The following TRIOBP variants were observed in gnomAD, a reference collection of about 807,000 sequenced individuals.
TRIOBP encodes the protein TRIO and F-actin-binding protein.
A neutral mutation model predicts 238.8 loss-of-function variants in TRIOBP; 169 were observed. That is an observed-to-expected ratio of 0.71 (90% CI 0.62 to 0.80). TRIOBP has a LOEUF of 0.80. Among genes scored for constraint, TRIOBP ranks in the 30% least tolerant of loss-of-function variants. The pLI, the probability that TRIOBP is intolerant of heterozygous loss-of-function variation, is 0.00. For missense variants in TRIOBP, 2,838 were observed against 3,122.6 expected (o/e 0.91, Z 2.17); for synonymous variants, 1,150 against 1,274.4 (o/e 0.90, Z 2.08).
rs748950216 is a variant in TRIOBP at position 37,725,991 on chromosome 22, G to A, written c.3435G>A (p.Glu1145=). ...LFQDLPRAST[E]SLVPSMDSLH... The stretch of plus-strand genomic sequence containing the variant: ...AGGACCTCCCCAGGGCCAGCACAGA[G>A]AGCCTTGTCCCTTCCATGGACTCTC... Residue 1145 remains glutamate, a synonymous_variant, in exon 7 of 24, where the codon GAG becomes GAA. Coordinates refer to ENST00000644935, the MANE Select transcript of TRIOBP (RefSeq NM_001039141.3). 3.7e-6 allele frequency: 6 copies of A among 1,608,522 alleles called. No individual in the cohort carries two copies. Among genetic ancestry groups the A allele is most frequent in the Non-Finnish European group, 5.1e-6 (6 of 1,178,592 alleles).
In TRIOBP at chr22:37,735,291, T is replaced by C; in HGVS notation, c.4955T>C (p.Val1652Ala). 6.2e-7 allele frequency: 1 copy of C among 1,610,750 alleles called. No homozygotes were observed. Among genetic ancestry groups the C allele is most frequent in the Non-Finnish European group, 8.5e-7 (1 of 1,177,726 alleles). Residue 1652 changes from valine (V) to alanine (A), a missense_variant, in exon 9 of 24, where the codon GTC becomes GCC. By Grantham distance (64) the Val-to-Ala change is moderately conservative. Transcript: ENST00000644935. ...HSPALQSQSP[V>A]QLPSPACTST... ...CCCGCACTGCAGTCCCAGAGCCCGG[T>C]CCAGCTGCCCAGCCCTGCCTGCACC...
At chr22:37,750,965 C>T (rs1601652950) in intron 11 of TRIOBP, 2 of 367,832 alleles carry the variant, frequency 5.4e-6, no homozygotes, top group East Asian at 7.4e-5. Flanking sequence ...TCCCTGCCGG[C>T]GCCAGGAGCG....
In TRIOBP at chr22:37,776,248, C is replaced by T. The variant is rs975363324; in HGVS notation, c.*2468C>T. 1 of 152,274 alleles carries T rather than the reference C, an allele frequency of 6.6e-6. No homozygotes were observed. Among genetic ancestry groups the T allele is most frequent in the African/African-American group, 2.4e-5 (1 of 41,458 alleles). The allele number at this position is 152,274 out of a possible 1,614,324, so 9.4% of individuals were successfully genotyped here. On this transcript the variant is annotated 3_prime_UTR_variant, in exon 24 of 24. Coordinates refer to ENST00000644935, the MANE Select transcript of TRIOBP (RefSeq NM_001039141.3). ...TAAAAACCGTGAAATCGCACTGCCC[C>T]ACTATCAGAATAGCTCAGAGGAGAA...
intron 11 of TRIOBP, among the ~76,000 whole-genome samples, chr22:37,745,909 G>A (rs536345323): frequency 6.6e-6 from 1 of 151,888 alleles, no homozygotes; most frequent in Non-Finnish European, 1.5e-5. Context: ...CCGGCCGCCC[G>A]CATCCTCCGC....
chr22:37,711,590 AAAC>A lies in TRIOBP; in HGVS notation c.254+1030_254+1032del, dbSNP rs869113481. Among the ~76,000 whole-genome samples the A allele has an allele frequency of 6.1e-4, 29 of 47,392 alleles. 1 individual carries two copies. The highest frequency in any genetic ancestry group is 1.0e-3 in the Non-Finnish European group (14 of 13,886). The allele number at this position is 47,392 out of a possible 152,430, so 31.1% of individuals were successfully genotyped here. On this transcript the variant is annotated intron_variant, in intron 4 of 23. Coordinates refer to ENST00000644935, the MANE Select transcript of TRIOBP (RefSeq NM_001039141.3). ...CGAGGCTCCGTCTCAAAAAAAAAAA[AAAC>A]AACAAAAAAAAAAAACAAAAAAAAA...
intron 10 of TRIOBP, among the ~76,000 whole-genome samples, chr22:37,739,360 T>G (rs950531856): frequency 6.6e-6 from 1 of 152,146 alleles, no homozygotes; most frequent in Non-Finnish European, 1.5e-5. Context: ...TTTGGGGCTG[T>G]GTTTTCCGGT....
intron 7 of TRIOBP, among the ~76,000 whole-genome samples, chr22:37,728,121 G>A (rs958416276): frequency 3.9e-5 from 6 of 152,080 alleles, no homozygotes; most frequent in South Asian, 4.1e-4. Context: ...GTTTTCTCCT[G>A]GATTTGAATC....
At chr22:37,708,512 T>C (rs1445668744) in intron 3 of TRIOBP, among the ~76,000 whole-genome samples, 5 of 152,184 alleles carry the variant, frequency 3.3e-5, no homozygotes, top group South Asian at 2.1e-4. Context: ...GACTGCACCA[T>C]TGCACTCTAA....
At chr22:37,732,653 G>A (rs1421842006) in intron 7 of TRIOBP, among the ~76,000 whole-genome samples, 4 of 152,138 alleles carry the variant, frequency 2.6e-5, no homozygotes, top group African/African-American at 9.7e-5. Context: ...TCAAGGCTAA[G>A]CGCTGGGATT....
chr22:37,769,422 CG>C, intron 21 of TRIOBP, 47 bp downstream of exon 21: 1 of 1,513,676 alleles, frequency 6.6e-7, no homozygotes, highest in East Asian at 2.4e-5. Flanking sequence ...TCTCGGGGCC[CG>C]GGGCTATGGG....
rs1294568702 is a variant in TRIOBP at position 37,769,246 on chromosome 22, A to G, written c.6736-16A>G. 3.7e-6 allele frequency: 6 copies of G among 1,607,454 alleles called. No homozygotes were observed. Among genetic ancestry groups the G allele is most frequent in the Non-Finnish European group, 5.1e-6 (6 of 1,177,516 alleles). On this transcript the variant is annotated splice_polypyrimidine_tract_variant and intron_variant, in intron 20 of 23. Coordinates refer to ENST00000644935, the MANE Select transcript of TRIOBP (RefSeq NM_001039141.3). ...GGGTCCCGGCACCCCTCCCCTGACC[A>G]CCGTGCCTCTCCCAGGAGCTGCATG...
Position 37,725,025 on chromosome 22 carries a change from C to T in TRIOBP, c.2469C>T (p.Ile823=). ...DNPRTCIQQN[I]PRSSSTQQDN... Reference sequence around the variant, plus strand: ...CCAGAACTTGTATTCAACAGAACATCCCCAGATCATCTTCTACCCAACAAG... The same window carrying T: ...CCAGAACTTGTATTCAACAGAACATTCCCAGATCATCTTCTACCCAACAAG... Residue 823 remains isoleucine, a synonymous_variant, in exon 7 of 24, where the codon ATC becomes ATT. Coordinates refer to ENST00000644935, the MANE Select transcript of TRIOBP (RefSeq NM_001039141.3). The T allele has an allele frequency of 6.2e-7, 1 of 1,614,090 alleles. No individual in the cohort carries two copies. Among genetic ancestry groups the T allele is most frequent in the Non-Finnish European group, 8.5e-7 (1 of 1,179,938 alleles).
Position 37,765,830 on chromosome 22 carries a change from G to GC in TRIOBP, c.6472+13_6472+14insC, listed in dbSNP as rs541980281. On this transcript the variant is annotated intron_variant, in intron 18 of 23. Coordinates refer to ENST00000644935, the MANE Select transcript of TRIOBP (RefSeq NM_001039141.3). ...GCCACGGCCTCAGGTATGGACCCTGGGGGGGGCACAGTGGGCTGGGCTCTG... is the reference window on the plus strand; with the variant it reads ...GCCACGGCCTCAGGTATGGACCCTGGCGGGGGGCACAGTGGGCTGGGCTCTG... 242 of 1,587,012 alleles carry GC rather than the reference G, an allele frequency of 1.5e-4. No homozygotes were observed. The highest frequency in any genetic ancestry group is 1.2e-3 in the East Asian group (54 of 44,032).
Position 37,771,703 on chromosome 22 carries a change from G to C in TRIOBP, c.6903G>C (p.Gln2301His). ...NELQYLKKEV[Q>H]CLRDELQMMQ... ...TCCAGTACCTAAAGAAGGAGGTGCA[G>C]TGCCTCCGGGACGAGCTCCAGATGA... The change falls in exon 22 of 24, where the codon CAG becomes CAC. Residue 2301 changes from glutamine to histidine, a missense_variant. Physicochemically the swap from Gln to His is conservative, Grantham distance 24. Transcript: ENST00000644935. 1 of 1,614,164 alleles carries C rather than the reference G, an allele frequency of 6.2e-7. No homozygotes were observed. The highest frequency in any genetic ancestry group is 8.5e-7 in the Non-Finnish European group (1 of 1,180,022).
intron 17 of TRIOBP, among the ~76,000 whole-genome samples, chr22:37,761,901 C>T (rs920645573): frequency 5.3e-5 from 8 of 151,714 alleles, no homozygotes; most frequent in Non-Finnish European, 1.2e-4. Context: ...AGCTGGGGGC[C>T]CAACACCCCA....
At chr22:37,746,673 C>T (rs1301292513) in intron 11 of TRIOBP, among the ~76,000 whole-genome samples, 1 of 152,268 alleles carries the variant, frequency 6.6e-6, no homozygotes, top group Non-Finnish European at 1.5e-5. Flanking sequence ...GACGGAACGA[C>T]CCGTCTCGGG....
intron 17 of TRIOBP, among the ~76,000 whole-genome samples, chr22:37,764,993 AC>A (rs1404237220): frequency 1.3e-5 from 2 of 152,200 alleles, no homozygotes; most frequent in African/African-American, 4.8e-5. Flanking sequence ...TGCCAAAAAA[AC>A]ATTCCAGGCC....
Position 37,771,856 on chromosome 22 carries a change from G to A in TRIOBP, c.6936+120G>A, listed in dbSNP as rs116921734. 625 of 888,968 alleles carry A rather than the reference G, an allele frequency of 7.0e-4. 3 individuals are homozygous for A. In the East Asian group the frequency reaches 0.015, roughly 21 times the overall value. 55.1% of individuals were successfully genotyped at this position (888,968 alleles called of 1,614,324 possible). On this transcript the variant is annotated intron_variant, in intron 22 of 23. Transcript: ENST00000644935. ...GCTTCATCCTTCCTCAGGCTCTCCT[G>A]TGCTTCTCCCATGTAGGTGTCATCA...
chr22:37,702,508 G>A, intron 3 of TRIOBP, among the ~76,000 whole-genome samples: 1 of 151,938 alleles, frequency 6.6e-6, no homozygotes, highest in East Asian at 1.9e-4. Context: ...CTGGCCTCGA[G>A]AGTGTTTTCT....
Sources: allele counts gnomAD v4.1 joint callset (sites outside exome capture counted in the v4.1 genomes callset), GRCh38; gene constraint gnomAD v4.1.1; transcripts MANE v1.5; gene names NCBI Gene and HGNC (gene_info 2026-07-23, HGNC 2026-07-21).